NFATC4: variants seen among roughly 807,000 people sequenced by gnomAD.
NFATC4 encodes nuclear factor of activated T-cells, cytoplasmic 4.
In NFATC4, 25 loss-of-function variants were observed where a neutral mutation model predicts 73.4. The observed-to-expected ratio is 0.34, with a 90% CI of 0.25 to 0.48. The LOEUF (loss-of-function observed/expected upper bound fraction) is 0.48, where lower values mean the gene tolerates loss of function less well. Among genes scored for constraint, NFATC4 ranks in the 20% least tolerant of loss-of-function variants. The pLI, the probability that NFATC4 is intolerant of heterozygous loss-of-function variation, is 0.99. For synonymous variants in NFATC4, 523 were observed against 510.3 expected, an observed-to-expected ratio of 1.02 and a Z score of -0.34; for missense variants, 1,130 against 1,203.7, an observed-to-expected ratio of 0.94 and a Z score of 0.91.
chr14:24,374,104 G>A, intron 5 of NFATC4: 3 of 889,656 alleles, frequency 3.4e-6, no homozygotes, highest in Non-Finnish European at 3.6e-6. Context: ...CCCTTGTTTG[G>A]GAAACTCCCT....
chr14:24,367,329 G>T (rs1382975824), upstream of NFATC4: 11 of 1,539,556 alleles, frequency 7.1e-6, no homozygotes, highest in Non-Finnish European at 9.6e-6. Context: ...ATTTTTAGAA[G>T]AGCCGGAGTG....
At chr14:24,368,617 C>T (rs2042371725) in intron 1 of NFATC4, among the ~76,000 whole-genome samples, 177 bp downstream of exon 1, 1 of 134,408 alleles carries the variant, frequency 7.4e-6, no homozygotes, top group South Asian at 2.3e-4. Flanking sequence ...GCACCACTTT[C>T]TCCTTTTTAG....
At chr14:24,369,255 C>A (rs1170666715) in intron 1 of NFATC4, 33 of 1,539,516 alleles carry the variant, frequency 2.1e-5, no homozygotes, top group Non-Finnish European at 2.6e-5. Flanking sequence ...ACCTTAAGAC[C>A]CACTGGATCG....
rs755440036 is a variant in NFATC4, at chr14:24,370,501, C to A, written c.1103C>A (p.Ser368Tyr). ...AEESVAPPGG[S>Y]RKEVAGMDYL... ...GAGTCTGTGGCTCCTCCAGGAGGTT[C>A]CCGGAAGGAGGTGGCTGGCATGGAC... The change falls in exon 2 of 10, where the codon TCC becomes TAC. Residue 368 changes from serine to tyrosine, a missense_variant. Physicochemically the swap from Ser to Tyr is moderately radical, Grantham distance 144 (BLOSUM62 -2). Coordinates refer to ENST00000250373, the MANE Select transcript of NFATC4 (RefSeq NM_004554.5). 6.2e-7 allele frequency: 1 copy of A among 1,614,048 alleles called. No individual in the cohort carries two copies. Among genetic ancestry groups the A allele is most frequent in the African/African-American group, 1.3e-5 (1 of 74,934 alleles).
Position 24,368,331 on chromosome 14 carries a change from T to C in NFATC4, c.-10T>C, listed in dbSNP as rs1412272212. The C allele has an allele frequency of 7.2e-7, 1 of 1,391,106 alleles. No individual in the cohort carries two copies. Among genetic ancestry groups the C allele is most frequent in the South Asian group, 1.7e-5 (1 of 57,334 alleles). The allele number at this position is 1,391,106 out of a possible 1,614,324, so 86.2% of individuals were successfully genotyped here. Reference sequence around the variant, plus strand: ...ACCCAGGCCGGGACCTGGGGGCTCCTGCCGGATCCATGGGGGCGGCCAGCT... The same window carrying C: ...ACCCAGGCCGGGACCTGGGGGCTCCCGCCGGATCCATGGGGGCGGCCAGCT... On this transcript the variant is annotated 5_prime_UTR_variant, in exon 1 of 10. Transcript: ENST00000250373.
At chr14:24,374,711 G>T (rs923308429) in intron 6 of NFATC4, 1 of 419,134 alleles carries the variant, frequency 2.4e-6, no homozygotes, top group African/African-American at 2.0e-5. Context: ...ATAAAGAGGA[G>T]TCTGCTTTGA....
chr14:24,367,279 A>T (rs2042333855), upstream of NFATC4: 6 of 1,582,772 alleles, frequency 3.8e-6, no homozygotes, highest in Admixed American at 5.4e-5. Context: ...GGGAACCCAC[A>T]GGGTCCGGAG....
chr14:24,374,010 T>G (rs1344632208), intron 5 of NFATC4, 143 bp downstream of exon 5: 1 of 1,253,834 alleles, frequency 8.0e-7, no homozygotes, highest in Non-Finnish European at 1.1e-6. Flanking sequence ...CTTCTTTCTA[T>G]TCTAGTTTGC....
At position 24,376,075 on chromosome 14, in the gene NFATC4, C is replaced by G. The variant is rs771078914; in HGVS notation, c.2030C>G (p.Pro677Arg). Reference sequence around the variant, plus strand: ...TCCAATGGGCGGAGGAAACGCAGTCCTACCCAGAGTTTCAGGTTTCTGCCT... The same window carrying G: ...TCCAATGGGCGGAGGAAACGCAGTCGTACCCAGAGTTTCAGGTTTCTGCCT... Reference protein sequence around the residue: ...YVSNGRRKRSPTQSFRFLPVI... With the variant: ...YVSNGRRKRSRTQSFRFLPVI... Residue 677 changes from proline to arginine, a missense_variant, in exon 8 of 10, where the codon CCT (proline) becomes CGT (arginine). Physicochemically the swap from Pro to Arg is moderately radical, Grantham distance 103. Coordinates refer to ENST00000250373, the MANE Select transcript of NFATC4 (RefSeq NM_004554.5). The surrounding 1 kb of genome is among the most constrained non-coding windows in gnomAD (Gnocchi z 5.0). 6.2e-7 allele frequency: 1 copy of G among 1,614,048 alleles called. No individual in the cohort carries two copies. The highest frequency in any genetic ancestry group is 1.1e-5 in the South Asian group (1 of 91,080).
chr14:24,376,010 C>G lies in NFATC4; in HGVS notation c.1965C>G (p.Asn655Lys). 2 of 1,614,068 alleles carry G rather than the reference C, an allele frequency of 1.2e-6. No individual in the cohort carries two copies. The highest frequency in any genetic ancestry group is 1.7e-6 in the Non-Finnish European group (2 of 1,179,982). Residue 655 changes from asparagine to lysine, a missense_variant, in exon 8 of 10, where the codon AAC (asparagine) becomes AAG (lysine). Asn to Lys is a moderately conservative substitution (Grantham distance 94). Coordinates refer to ENST00000250373, the MANE Select transcript of NFATC4 (RefSeq NM_004554.5). This position sits in a 1 kb window ranked among gnomAD's most constrained non-coding sequence, Gnocchi z 5.0. ...CCCTGACTGTCCCCGAGTACAGCAA[C>G]AAGAGGGTTTCCCGGCCAGTCCAGG... ...TLTLTVPEYS[N>K]KRVSRPVQVY...
chr14:24,367,243 G>A, upstream of NFATC4: 1 of 1,611,866 alleles, frequency 6.2e-7, no homozygotes, highest in Non-Finnish European at 8.5e-7. Flanking sequence ...GTTGGGGGCG[G>A]GGGGGCCAAG....
At position 24,377,463 on chromosome 14, in the gene NFATC4, G is replaced by A; in HGVS notation, c.2642-175G>A. The A allele has an allele frequency of 5.6e-6, 8 of 1,433,218 alleles. No individual in the cohort carries two copies. The highest frequency in any genetic ancestry group is 1.5e-5 in the South Asian group (1 of 66,178). The allele number at this position is 1,433,218 out of a possible 1,614,324, so 88.8% of individuals were successfully genotyped here. On this transcript the variant is annotated intron_variant, in intron 9 of 9. Coordinates refer to ENST00000250373, the MANE Select transcript of NFATC4 (RefSeq NM_004554.5). The surrounding 1 kb of genome is among the most constrained non-coding windows in gnomAD (Gnocchi z 4.2). ...GAGGGAGTTGGGCAAGATTTGATTC[G>A]GAGCAGGTGTCAAGACGTGTTGGGG...
chr14:24,372,960 C>T, intron 3 of NFATC4: 1 of 620,076 alleles, frequency 1.6e-6, no homozygotes, highest in Non-Finnish European at 2.8e-6. Context: ...TGCCTTTGCC[C>T]AGCCCACTTT....
rs377116679 is a variant in NFATC4, at chr14:24,372,472, C to T, written c.1228C>T (p.Leu410=). ...TSALPPLDWP[L]PSQYEQLELR... is the part of the protein sequence containing the mutation. ...TGCCCTACCCCCACTGGACTGGCCT[C>T]TGCCCAGCCAATATGAGCAGCTGGA... The change falls in exon 3 of 10, where the codon CTG becomes TTG. Residue 410 remains leucine (L), a synonymous_variant. Transcript: ENST00000250373. 128 of 1,613,868 alleles carry T rather than the reference C, an allele frequency of 7.9e-5. No homozygotes were observed. Among genetic ancestry groups the T allele is most frequent in the Non-Finnish European group, 1.0e-4 (122 of 1,180,040 alleles).
At chr14:24,368,489 G>T (rs2042367256) in intron 1 of NFATC4, 49 bp downstream of exon 1, 4 of 1,250,660 alleles carry the variant, frequency 3.2e-6, no homozygotes, top group African/African-American at 3.1e-5. Flanking sequence ...GAGGAGGGCC[G>T]GGGATCCTGA....
At position 24,368,536 on chromosome 14, in the gene NFATC4, G is replaced by T. The variant is rs533790948; in HGVS notation, c.100+96G>T. On this transcript the variant is annotated intron_variant, in intron 1 of 9. Coordinates refer to ENST00000250373, the MANE Select transcript of NFATC4 (RefSeq NM_004554.5). ...TTAAGGCAGCGAGCCTAGGGTGGGG[G>T]GTGAGGGAGTCAGAGGTCGAAGGGA... is the stretch of plus-strand genomic sequence containing the variant. 6.7e-6 allele frequency: 8 copies of T among 1,197,820 alleles called. No homozygotes were observed. The East Asian group carries it at 2.6e-4, about 39-fold the overall frequency. The allele number at this position is 1,197,820 out of a possible 1,614,324, so 74.2% of individuals were successfully genotyped here.
At position 24,369,558 on chromosome 14, in the gene NFATC4, T is replaced by C. The variant is rs2042408031; in HGVS notation, c.160T>C (p.Tyr54His). The change falls in exon 2 of 10, where the codon TAT (tyrosine) becomes CAT (histidine). Residue 54 changes from tyrosine (Y) to histidine (H), a missense_variant. This residue lies in a region of NFATC4 where 585 missense variants were observed against 574.3 expected (regional missense o/e 1.02). Coordinates refer to ENST00000250373, the MANE Select transcript of NFATC4 (RefSeq NM_004554.5). ...TCTGGCCTTGGGAGAGCCCCCTCCC[T>C]ATGGCGCTGCACCTATCGGTATTCC... ...CRLALGEPPPYGAAPIGIPRP... is the reference protein window; with the variant it reads ...CRLALGEPPPHGAAPIGIPRP... 6.2e-7 allele frequency: 1 copy of C among 1,611,148 alleles called. No homozygotes were observed. Among genetic ancestry groups the C allele is most frequent in the Non-Finnish European group, 8.5e-7 (1 of 1,178,154 alleles).
Position 24,373,076 on chromosome 14 carries a change from C to G in NFATC4, c.1360-95C>G. ...CTTGCAGGATATCCTTTATCTTTCA[C>G]CATTCCCATCCCATGGTAGACTGAA... On this transcript the variant is annotated intron_variant, in intron 3 of 9. Coordinates refer to ENST00000250373, the MANE Select transcript of NFATC4 (RefSeq NM_004554.5). The surrounding 1 kb of genome is among the most constrained non-coding windows in gnomAD (Gnocchi z 4.7). 1 of 1,258,082 alleles carries G rather than the reference C, an allele frequency of 7.9e-7. No homozygotes were observed. Among genetic ancestry groups the G allele is most frequent in the East Asian group, 2.4e-5 (1 of 40,928 alleles). 77.9% of individuals were successfully genotyped at this position (1,258,082 alleles called of 1,614,324 possible).
In NFATC4 at chr14:24,373,942, AT is replaced by A. The variant is rs1473562289; in HGVS notation, c.1732+77del. The A allele has an allele frequency of 1.9e-6, 3 of 1,580,874 alleles. No individual in the cohort carries two copies. The South Asian group carries it at 3.4e-5, about 18-fold the overall frequency. On this transcript the variant is annotated intron_variant, in intron 5 of 9. Coordinates refer to ENST00000250373, the MANE Select transcript of NFATC4 (RefSeq NM_004554.5). This position sits in a 1 kb window ranked among gnomAD's most constrained non-coding sequence, Gnocchi z 4.7. ...TCTGTGTGTGTGTGTCTGTCTGCCC[AT>A]TCCCTCTGCAGCGTCCTGTGCCCTG...
Sources: allele counts gnomAD v4.1 joint callset (sites outside exome capture counted in the v4.1 genomes callset), GRCh38; gene constraint gnomAD v4.1.1; regional missense constraint gnomAD v4.1.1; non-coding constraint Gnocchi (gnomAD v3.1); transcripts MANE v1.5; gene names NCBI Gene and HGNC (gene_info 2026-07-23, HGNC 2026-07-21).